Variants in CEP44 observed in about 807,000 individuals in gnomAD.
CEP44 encodes the protein centrosomal protein 44, also known as centrosomal protein of 44 kDa.
In CEP44, 45 loss-of-function variants were observed where a neutral mutation model predicts 46.7. The ratio of observed to expected loss-of-function variants is 0.96; its 90% CI spans 0.76 to 1.24. The LOEUF (loss-of-function observed/expected upper bound fraction) is 1.24. Among genes scored for constraint, CEP44 ranks in the 50% most tolerant of loss-of-function variants. The pLI, the probability that CEP44 is intolerant of heterozygous loss-of-function variation, is 0.00. For synonymous variants in CEP44, 142 were observed against 146.0 expected (o/e 0.97, Z 0.20); for missense variants, 475 against 459.7 (o/e 1.03, Z -0.30).
At chr4:174,298,419 C>T (rs975954729) in intron 2 of CEP44, among the ~76,000 whole-genome samples, 1 of 152,010 alleles carries the variant, frequency 6.6e-6, no homozygotes, top group African/African-American at 2.4e-5. Flanking sequence ...TCCTGATCCG[C>T]CCGCCTCGGC....
chr4:174,330,265 G>T (rs571978752), intron 8 of CEP44, among the ~76,000 whole-genome samples: 1 of 152,106 alleles, frequency 6.6e-6, no homozygotes, highest in Non-Finnish European at 1.5e-5. Context: ...GAAGTGGGTG[G>T]ATCACCCGAG....
chr4:174,326,629 C>A lies in CEP44; in HGVS notation c.1087-4853C>A, dbSNP rs1742688932. ...TCTTTCATGTAGATCCACATTTCTTCTTGATATAATTTTCCTTCTGCCTGA... is the reference window on the plus strand; with the variant it reads ...TCTTTCATGTAGATCCACATTTCTTATTGATATAATTTTCCTTCTGCCTGA... On this transcript the variant is annotated intron_variant, in intron 8 of 8. Transcript: ENST00000426172. This position sits in a 1 kb window ranked among gnomAD's most constrained non-coding sequence, Gnocchi z 4.8. Among the ~76,000 whole-genome samples the A allele has an allele frequency of 1.3e-5, 2 of 151,974 alleles. No individual in the cohort carries two copies. Among genetic ancestry groups the A allele is most frequent in the African/African-American group, 4.8e-5 (2 of 41,416 alleles).
intron 4 of CEP44, among the ~76,000 whole-genome samples, chr4:174,302,622 T>G (rs1015715924): frequency 4.6e-5 from 7 of 152,156 alleles, no homozygotes; most frequent in African/African-American, 7.2e-5. Context: ...TCTTATATTG[T>G]ATCTACCCTA....
At chr4:174,315,764 C>T (rs1741608587) in intron 9 of CEP44, among the ~76,000 whole-genome samples, 1 of 150,960 alleles carries the variant, frequency 6.6e-6, no homozygotes. Flanking sequence ...TGGCGTGAAC[C>T]CGGGAGGCGG....
At position 174,297,774 on chromosome 4, in the gene CEP44, C is replaced by A. The variant is rs986513568; in HGVS notation, c.-147-192C>A. 2.0e-5 allele frequency among the ~76,000 whole-genome samples: 3 copies of A among 152,008 alleles called. No individual in the cohort carries two copies. Among genetic ancestry groups the A allele is most frequent in the Admixed American group, 6.6e-5 (1 of 15,266 alleles). On this transcript the variant is annotated intron_variant, in intron 1 of 11. Coordinates refer to ENST00000503780, the MANE Select transcript of CEP44 (RefSeq NM_001040157.3). The surrounding 1 kb of genome is among the most constrained non-coding windows in gnomAD (Gnocchi z 4.3). The stretch of plus-strand genomic sequence containing the variant: ...TACCAAATTTAGTGCCTCCTTGATT[C>A]AATTTCTTTGGAGTGTAAAGCTCTT...
intron 6 of CEP44, among the ~76,000 whole-genome samples, chr4:174,307,484 T>G (rs1374387402): frequency 6.6e-6 from 1 of 152,110 alleles, no homozygotes; most frequent in Non-Finnish European, 1.5e-5. Context: ...GAGACTTAAA[T>G]GTAAAACCCA....
At position 174,310,099 on chromosome 4, in the gene CEP44, C is replaced by T; in HGVS notation, c.885+43C>T. 2.6e-6 allele frequency: 4 copies of T among 1,549,430 alleles called. No individual in the cohort carries two copies. The highest frequency in any genetic ancestry group is 3.5e-6 in the Non-Finnish European group (4 of 1,148,204). On this transcript the variant is annotated intron_variant, in intron 8 of 11. Transcript: ENST00000503780. This position sits in a 1 kb window ranked among gnomAD's most constrained non-coding sequence, Gnocchi z 4.2. ...CATTTATAAAATATCTCAGATATAA[C>T]AAAGTTTTTTTTTGATTGTTATATG...
chr4:174,319,861 T>G lies in CEP44; in HGVS notation c.*2478T>G, dbSNP rs1742149235. On this transcript the variant is annotated 3_prime_UTR_variant, in exon 12 of 12. Coordinates refer to ENST00000503780, the MANE Select transcript of CEP44 (RefSeq NM_001040157.3). ...TGGACAGATCAGCAAATTGTTATTTTAAAAAGTTTTCTTGTTTAGGCAATT... is the reference window on the plus strand; with the variant it reads ...TGGACAGATCAGCAAATTGTTATTTGAAAAAGTTTTCTTGTTTAGGCAATT... 1.0e-6 allele frequency: 1 copy of G among 985,232 alleles called. No homozygotes were observed. The highest frequency in any genetic ancestry group is 1.7e-5 in the African/African-American group (1 of 57,250). 61.0% of individuals were successfully genotyped at this position (985,232 alleles called of 1,614,324 possible).
intron 8 of CEP44, among the ~76,000 whole-genome samples, chr4:174,328,737 T>A (rs943136715): frequency 1.1e-4 from 16 of 152,202 alleles, no homozygotes; most frequent in African/African-American, 3.9e-4. Flanking sequence ...CATAACACTT[T>A]GACATATATA....
chr4:174,325,729 T>C lies in CEP44; in HGVS notation c.1087-5753T>C, dbSNP rs1039581956. On this transcript the variant is annotated intron_variant, in intron 8 of 8. Transcript: ENST00000426172. This position sits in a 1 kb window ranked among gnomAD's most constrained non-coding sequence, Gnocchi z 4.4. ...TGAAGACTAAAAAACTTTTATTTTT[T>C]CTTTCAGTTCTATCATGTATTTTTA... Among the ~76,000 whole-genome samples the C allele has an allele frequency of 1.3e-5, 2 of 152,190 alleles. No individual in the cohort carries two copies. Among genetic ancestry groups the C allele is most frequent in the African/African-American group, 4.8e-5 (2 of 41,460 alleles).
chr4:174,291,345 T>A (rs992710027), intron 1 of CEP44, among the ~76,000 whole-genome samples: 1 of 152,136 alleles, frequency 6.6e-6, no homozygotes, highest in Non-Finnish European at 1.5e-5. Context: ...AAATATTATG[T>A]AGTCATAGCA....
chr4:174,332,887 T>A (rs1015103142), exon 9 of CEP44: 6 of 152,264 alleles, frequency 3.9e-5, no homozygotes, highest in African/African-American at 1.4e-4. Flanking sequence ...CCTTCCTGGG[T>A]TTGAGGGCTA....
Position 174,312,698 on chromosome 4 carries a change from CTGG to C in CEP44, c.961+1842_961+1844del. Among the ~76,000 whole-genome samples, 1 of 152,212 alleles carries C rather than the reference CTGG, an allele frequency of 6.6e-6. No homozygotes were observed. The highest frequency in any genetic ancestry group is 1.5e-5 in the Non-Finnish European group (1 of 68,000). ...TACAGATTATGATTAGGTTGAATAC[CTGG>C]TCTCATAGAGTTTATGATCTGATCT... On this transcript the variant is annotated intron_variant, in intron 9 of 11. Transcript: ENST00000503780. The surrounding 1 kb of genome is among the most constrained non-coding windows in gnomAD (Gnocchi z 4.5).
Position 174,311,486 on chromosome 4 carries a change from A to G in CEP44, c.961+628A>G, listed in dbSNP as rs1233613063. 3.9e-5 allele frequency among the ~76,000 whole-genome samples: 6 copies of G among 152,118 alleles called. No homozygotes were observed. In the East Asian group the frequency reaches 1.2e-3, roughly 29 times the overall value. ...TCTATGATTAAATCATAGCTATAGA[A>G]GAGATGTTTTGTCCAATTGAGAATT... On this transcript the variant is annotated intron_variant, in intron 9 of 11. Transcript: ENST00000503780. The surrounding 1 kb of genome is among the most constrained non-coding windows in gnomAD (Gnocchi z 4.4).
intron 1 of CEP44, among the ~76,000 whole-genome samples, chr4:174,285,220 G>A (rs1737444129): frequency 6.6e-6 from 1 of 152,158 alleles, no homozygotes; most frequent in Non-Finnish European, 1.5e-5. Context: ...ATTTTTAAAA[G>A]TATTTTTCAT....
At chr4:174,308,278 A>G (rs1300880783) in intron 6 of CEP44, among the ~76,000 whole-genome samples, 1 of 152,208 alleles carries the variant, frequency 6.6e-6, no homozygotes, top group African/African-American at 2.4e-5. Flanking sequence ...CATACACACT[A>G]TGGAATACTC....
At chr4:174,321,610 A>T (rs994912996), downstream of CEP44, among the ~76,000 whole-genome samples, 4 of 152,124 alleles carry the variant, frequency 2.6e-5, no homozygotes, top group Non-Finnish European at 4.4e-5. Context: ...TGTTGCCCAA[A>T]GTACAACAGG....
At chr4:174,283,844 A>C (rs531041326), upstream of CEP44, 3 of 398,840 alleles carry the variant, frequency 7.5e-6, no homozygotes, top group African/African-American at 6.2e-5. The surrounding 1 kb of genome is among the most constrained non-coding windows in gnomAD (Gnocchi z 6.7). Flanking sequence ...GGAGGCTCTC[A>C]GCGGAGTCGC....
intron 8 of CEP44, among the ~76,000 whole-genome samples, chr4:174,327,165 GTA>G (rs1332128207): frequency 1.4e-5 from 2 of 143,302 alleles, no homozygotes; most frequent in African/African-American, 5.2e-5. Flanking sequence ...GTGTGTGTGT[GTA>G]TATATATGTA....
Sources: allele counts gnomAD v4.1 joint callset (sites outside exome capture counted in the v4.1 genomes callset), GRCh38; gene constraint gnomAD v4.1.1; non-coding constraint Gnocchi (gnomAD v3.1); transcripts MANE v1.5; gene names NCBI Gene and HGNC (gene_info 2026-07-23, HGNC 2026-07-21).